The following KIAA1549 variants were observed in gnomAD, a reference collection of about 807,000 sequenced individuals.
The protein encoded by KIAA1549 is KIAA1549, also known as UPF0606 protein KIAA1549.
A neutral mutation model predicts 156.4 loss-of-function variants in KIAA1549; 70 were observed. That is an observed-to-expected ratio of 0.45 (90% CI 0.37 to 0.55). The LOEUF (loss-of-function observed/expected upper bound fraction) is 0.55. Ranked by LOEUF, KIAA1549 falls within the 20% of genes least tolerant of loss-of-function variation. The pLI is 0.00. For missense variants in KIAA1549, 2,428 were observed against 2,540.9 expected, an observed-to-expected ratio of 0.96 and a Z score of 0.96; for synonymous variants, 1,103 against 1,066.4, an observed-to-expected ratio of 1.03 and a Z score of -0.67.
chr7:138,967,748 AGCCCCAAGGTGGAGAG>A (rs1814075182), intron 1 of KIAA1549, among the ~76,000 whole-genome samples: 2 of 152,156 alleles, frequency 1.3e-5, no homozygotes, highest in African/African-American at 4.8e-5. Flanking sequence ...AAGGTGAAGC[AGCCCCAAGGTGGAGAG>A]GCCCCAAGAT....
At chr7:138,959,695 T>C (rs501492) in intron 1 of KIAA1549, among the ~76,000 whole-genome samples, 77,492 of 152,118 alleles carry the variant, frequency 0.51, 23,115 homozygotes, top group African/African-American at 0.84. Context: ...GATCCATTCA[T>C]AAATCCCTTT....
In KIAA1549 at chr7:138,951,887, C is replaced by T. The variant is rs1379035214; in HGVS notation, c.187+29196G>A. 2.0e-5 allele frequency among the ~76,000 whole-genome samples: 3 copies of T among 152,298 alleles called. No individual in the cohort carries two copies. The East Asian group carries it at 5.8e-4, about 29-fold the overall frequency. On this transcript the variant is annotated intron_variant, in intron 1 of 19. Coordinates refer to ENST00000422774, the MANE Select transcript of KIAA1549 (RefSeq NM_001164665.2). ...CCTTTATAAAAACTACGGAAAGCAA[C>T]TGCTTGGTTTTAACAAATAGTCTGG...
chr7:138,917,030 C>G lies in KIAA1549; in HGVS notation c.2596G>C (p.Val866Leu). 3.1e-6 allele frequency: 5 copies of G among 1,605,546 alleles called. No individual in the cohort carries two copies. In the South Asian group the frequency reaches 3.4e-5, roughly 11 times the overall value. ...TCTGTGGGTGTGAGTGATGGGCCCACGACGGTCAGCTCTGTGGGCAGAGGG... is the reference window on the plus strand; with the variant it reads ...TCTGTGGGTGTGAGTGATGGGCCCAGGACGGTCAGCTCTGTGGGCAGAGGG... Reference protein sequence around the residue: ...PFPLPTELTVVGPSLTPTEVP... With the variant: ...PFPLPTELTVLGPSLTPTEVP... The change falls in exon 2 of 20, where the codon GTG becomes CTG. Residue 866 changes from valine (V) to leucine (L), a missense_variant. Around this residue, in one of 5 missense-constraint regions of KIAA1549, gnomAD observed 762 missense variants for 901.6 expected, o/e 0.85. Coordinates refer to ENST00000422774, the MANE Select transcript of KIAA1549 (RefSeq NM_001164665.2).
intron 8 of KIAA1549, 65 bp downstream of exon 8, chr7:138,903,523 C>A: frequency 6.7e-7 from 1 of 1,496,406 alleles, no homozygotes; most frequent in Admixed American, 1.8e-5. Context: ...ATGGAGTGTG[C>A]ACTCACACGC....
At chr7:138,915,924 G>A (rs989730250) in intron 2 of KIAA1549, among the ~76,000 whole-genome samples, 24 of 152,250 alleles carry the variant, frequency 1.6e-4, no homozygotes, top group African/African-American at 5.5e-4. Context: ...CTACCTCTCA[G>A]GCATGCCCTC....
At chr7:138,954,830 G>C (rs960919562) in intron 1 of KIAA1549, among the ~76,000 whole-genome samples, 1 of 152,168 alleles carries the variant, frequency 6.6e-6, no homozygotes, top group East Asian at 1.9e-4. Context: ...CAGATCAGGT[G>C]GGGAGGACCA....
chr7:138,946,989 C>T (rs1410609938), intron 1 of KIAA1549, among the ~76,000 whole-genome samples: 1 of 152,038 alleles, frequency 6.6e-6, no homozygotes, highest in Non-Finnish European at 1.5e-5. Context: ...TCCCAGCAGC[C>T]CCCACTGCCA....
In KIAA1549 at chr7:138,903,537, C is replaced by T. The variant is rs1011467044; in HGVS notation, c.3669+51G>A. On this transcript the variant is annotated intron_variant, in intron 8 of 19. Coordinates refer to ENST00000422774, the MANE Select transcript of KIAA1549 (RefSeq NM_001164665.2). ...GATGGAGTGTGCACTCACACGCAAGCGCTGTCTCTCTCCCTCTCTCTCCTT... is the reference window on the plus strand; with the variant it reads ...GATGGAGTGTGCACTCACACGCAAGTGCTGTCTCTCTCCCTCTCTCTCCTT... 8.9e-6 allele frequency: 14 copies of T among 1,580,264 alleles called. No individual in the cohort carries two copies. In the African/African-American group the frequency reaches 1.1e-4, roughly 12 times the overall value.
chr7:138,856,988 G>C (rs1465810393), intron 16 of KIAA1549, among the ~76,000 whole-genome samples: 1 of 152,152 alleles, frequency 6.6e-6, no homozygotes, highest in African/African-American at 2.4e-5. Context: ...TCCTCTGACT[G>C]ACTGCATGAG....
chr7:138,918,878 A>G lies in KIAA1549; in HGVS notation c.748T>C (p.Leu250=). The G allele has an allele frequency of 6.2e-7, 1 of 1,614,030 alleles. No homozygotes were observed. The highest frequency in any genetic ancestry group is 2.2e-5 in the East Asian group (1 of 44,876). The change falls in exon 2 of 20, where the codon TTG becomes CTG. Residue 250 remains leucine (L), a synonymous_variant. Transcript: ENST00000422774. This position sits in a 1 kb window ranked among gnomAD's most constrained non-coding sequence, Gnocchi z 4.2. ...TAAGCATCAGTAGGATAAAGCACCA[A>G]ATTCCTGCCAGGAGTTGGAACGATG... ...EGIVPTPGRN[L]VLYPTDAYSH...
At position 138,831,613 on chromosome 7, in the gene KIAA1549, C is replaced by A. The variant is rs1003815846; in HGVS notation, c.*6293G>T. 13 of 228,730 alleles carry A rather than the reference C, an allele frequency of 5.7e-5. No individual in the cohort carries two copies. The highest frequency in any genetic ancestry group is 2.9e-4 in the African/African-American group (13 of 45,068). 14.2% of individuals were successfully genotyped at this position (228,730 alleles called of 1,614,324 possible). A position where few individuals can be genotyped will look rare whatever the true frequency, so the allele number is the denominator to read the frequency against. On this transcript the variant is annotated 3_prime_UTR_variant, in exon 20 of 20. Transcript: ENST00000422774. The stretch of plus-strand genomic sequence containing the variant: ...GAGATTTCAGTGCCTGTTTGAGGAC[C>A]AGCAAACCATGATTGTCAAGTTTAA...
At position 138,981,362 on chromosome 7, in the gene KIAA1549, C is replaced by T. The variant is rs190026968; in HGVS notation, c.-93G>A. The stretch of plus-strand genomic sequence containing the variant: ...CGGCTGCGGCTGGGACGGGGCGCCG[C>T]GCACCGGCGCGGAGGGAGGCCGGAG... On this transcript the variant is annotated 5_prime_UTR_variant, in exon 1 of 20. Transcript: ENST00000422774. This position sits in a 1 kb window ranked among gnomAD's most constrained non-coding sequence, Gnocchi z 4.5. The T allele has an allele frequency of 0.052, 23,150 of 448,666 alleles. 647 individuals are homozygous for T. Among genetic ancestry groups the T allele is most frequent in the South Asian group, 0.079 (851 of 10,740 alleles). The allele number at this position is 448,666 out of a possible 1,614,324, so 27.8% of individuals were successfully genotyped here.
intron 12 of KIAA1549, among the ~76,000 whole-genome samples, chr7:138,873,708 C>A (rs144261877): frequency 6.6e-6 from 1 of 151,886 alleles, no homozygotes; most frequent in Admixed American, 6.6e-5. Flanking sequence ...CGGCTCACCC[C>A]CTCCCACTGT....
At position 138,900,338 on chromosome 7, in the gene KIAA1549, G is replaced by A. The variant is rs1014642142; in HGVS notation, c.3670-1206C>T. On this transcript the variant is annotated intron_variant, in intron 8 of 19. Transcript: ENST00000422774. Reference sequence around the variant, plus strand: ...ACTCCCTCCCTGACAACGGTACAGTGGTGATTAATTTTTTATTAGCTTTTA... The same window carrying A: ...ACTCCCTCCCTGACAACGGTACAGTAGTGATTAATTTTTTATTAGCTTTTA... Among the ~76,000 whole-genome samples, 51 of 152,158 alleles carry A rather than the reference G, an allele frequency of 3.4e-4. 1 individual carries two copies. The highest frequency in any genetic ancestry group is 5.9e-5 in the Non-Finnish European group (4 of 68,036).
Position 138,869,646 on chromosome 7 carries a change from C to T in KIAA1549, c.4667G>A (p.Gly1556Asp). 6.2e-7 allele frequency: 1 copy of T among 1,611,590 alleles called. No individual in the cohort carries two copies. Among genetic ancestry groups the T allele is most frequent in the South Asian group, 1.1e-5 (1 of 90,732 alleles). The change falls in exon 14 of 20, where the codon GGC becomes GAC. Residue 1556 changes from glycine (G) to aspartate (D), a missense_variant. Transcript: ENST00000422774. Reference protein sequence around the residue: ...EFPVVDDLSSGDTKERHRVYR... With the variant: ...EFPVVDDLSSDDTKERHRVYR... ...CACCCGGTGTCGCTCCTTAGTGTCG[C>T]CCGAGGACAGGTCGTCTACCACCGG...
intron 18 of KIAA1549, among the ~76,000 whole-genome samples, chr7:138,841,029 C>T (rs1809901422): frequency 6.6e-6 from 1 of 152,152 alleles, no homozygotes; most frequent in Non-Finnish European, 1.5e-5. Context: ...CAGAGGCTGA[C>T]AGTGATGCCC....
At chr7:138,963,921 C>A (rs140671138) in intron 1 of KIAA1549, among the ~76,000 whole-genome samples, 6 of 152,228 alleles carry the variant, frequency 3.9e-5, no homozygotes, top group East Asian at 1.9e-4. Context: ...GGAAATGCGG[C>A]AAGAAAATGT....
At chr7:138,886,521 C>T (rs1460584805) in intron 10 of KIAA1549, among the ~76,000 whole-genome samples, 1 of 152,186 alleles carries the variant, frequency 6.6e-6, no homozygotes, top group Non-Finnish European at 1.5e-5. Flanking sequence ...AAGCAATCCT[C>T]CTGCCTCAGC....
chr7:138,913,039 T>C (rs1354891288), intron 2 of KIAA1549, among the ~76,000 whole-genome samples: 1 of 152,174 alleles, frequency 6.6e-6, no homozygotes, highest in Non-Finnish European at 1.5e-5. Context: ...CACGCCCGGC[T>C]AATTTTTTGT....
Sources: gnomAD v4.1 joint callset for allele counts (sites outside exome capture counted in the v4.1 genomes callset) on GRCh38, gnomAD v4.1.1 for gene constraint, gnomAD v4.1.1 regional missense constraint, Gnocchi (gnomAD v3.1) non-coding constraint, MANE v1.5 for transcripts, NCBI Gene and HGNC (gene_info 2026-07-23, HGNC 2026-07-21) for gene names.